The following MTMR7 variants were observed in gnomAD, a reference collection of about 807,000 sequenced individuals.
MTMR7 encodes myotubularin related protein 7, also known as phosphatidylinositol-3-phosphate phosphatase MTMR7.
Under a neutral mutation model 81.2 loss-of-function variants are expected in MTMR7, and 76 were observed. That is an observed-to-expected ratio of 0.94 (90% CI 0.78 to 1.13). The LOEUF (loss-of-function observed/expected upper bound fraction) is 1.13, where lower values mean the gene tolerates loss of function less well. Ranked by LOEUF, MTMR7 falls within the 50% of genes most tolerant of loss-of-function variation. The probability of loss-of-function intolerance (pLI) is 0.00; values close to 1 mark genes in which losing one functional copy is unlikely to be tolerated. For missense variants in MTMR7, 1,044 were observed against 820.0 expected, an observed-to-expected ratio of 1.27 and a Z score of -3.34; for synonymous variants, 372 against 289.8, an observed-to-expected ratio of 1.28 and a Z score of -2.88.
At chr8:17,320,069 A>G (rs1015383838) in intron 7 of MTMR7, among the ~76,000 whole-genome samples, 2 of 152,170 alleles carry the variant, frequency 1.3e-5, no homozygotes, top group Non-Finnish European at 2.9e-5. Context: ...TATACTGATA[A>G]TGTTGAAATA....
At chr8:17,323,327 A>G (rs900660918) in intron 7 of MTMR7, among the ~76,000 whole-genome samples, 2 of 152,096 alleles carry the variant, frequency 1.3e-5, no homozygotes, top group African/African-American at 4.8e-5. Context: ...CGAAATCTAC[A>G]TCCCTTGACT....
At chr8:17,364,627 G>C (rs1820168559) in intron 3 of MTMR7, among the ~76,000 whole-genome samples, 1 of 152,092 alleles carries the variant, frequency 6.6e-6, no homozygotes, top group East Asian at 1.9e-4. Flanking sequence ...CTGCTTCTAT[G>C]AGTTTAACTG....
At chr8:17,319,293 A>G (rs1299700363) in intron 7 of MTMR7, among the ~76,000 whole-genome samples, 1 of 152,194 alleles carries the variant, frequency 6.6e-6, no homozygotes, top group Non-Finnish European at 1.5e-5. Context: ...TGAAGATGAA[A>G]TAATACCAAT....
chr8:17,360,414 G>C (rs1195314381), intron 4 of MTMR7, among the ~76,000 whole-genome samples: 1 of 149,642 alleles, frequency 6.7e-6, no homozygotes, highest in African/African-American at 2.5e-5. Flanking sequence ...ATACAGATGA[G>C]AAAACAACTG....
chr8:17,302,181 T>C lies in MTMR7; in HGVS notation c.1593A>G (p.Leu531=). The change falls in exon 13 of 14, where the codon CTA becomes CTG. Residue 531 remains leucine, a synonymous_variant. Coordinates refer to ENST00000180173, the MANE Select transcript of MTMR7 (RefSeq NM_004686.5). ...LMAVKEETQQ[L]EEELEALEER... ...CTTCCAGGGCCTCTAGTTCTTCCTCTAGCTGCTGAGTTTCTTCCTTCACTG... is the reference window on the plus strand; with the variant it reads ...CTTCCAGGGCCTCTAGTTCTTCCTCCAGCTGCTGAGTTTCTTCCTTCACTG... The C allele has an allele frequency of 6.2e-7, 1 of 1,614,166 alleles. No individual in the cohort carries two copies. The highest frequency in any genetic ancestry group is 1.1e-5 in the South Asian group (1 of 91,082).
At chr8:17,310,220 C>T (rs1817705918) in intron 9 of MTMR7, among the ~76,000 whole-genome samples, 2 of 151,976 alleles carry the variant, frequency 1.3e-5, no homozygotes, top group African/African-American at 2.4e-5. Context: ...AGGCTGGTCT[C>T]AAACTCTGGG....
chr8:17,309,750 C>T (rs1817682639), intron 9 of MTMR7, among the ~76,000 whole-genome samples: 1 of 152,184 alleles, frequency 6.6e-6, no homozygotes, highest in South Asian at 2.1e-4. Context: ...ACTTCAAACC[C>T]TATCTCAACC....
chr8:17,333,716 T>G (rs1163368851), intron 6 of MTMR7, among the ~76,000 whole-genome samples: 2 of 152,056 alleles, frequency 1.3e-5, no homozygotes, highest in African/African-American at 4.8e-5. Context: ...CCAGACATGG[T>G]GGCATGTGAC....
intron 10 of MTMR7, 150 bp downstream of exon 10, chr8:17,309,127 A>G (rs1387990825): frequency 9.9e-6 from 6 of 605,226 alleles, no homozygotes; most frequent in South Asian, 4.1e-5. Context: ...TCATTTATCT[A>G]TGATATGACA....
chr8:17,409,440 G>A (rs1821682069), intron 1 of MTMR7, among the ~76,000 whole-genome samples: 1 of 152,016 alleles, frequency 6.6e-6, no homozygotes, highest in South Asian at 2.1e-4. Context: ...CTCCAGCCTG[G>A]GCCACAGAGC....
chr8:17,390,538 A>G (rs1350588995), intron 1 of MTMR7, among the ~76,000 whole-genome samples: 1 of 152,166 alleles, frequency 6.6e-6, no homozygotes, highest in Non-Finnish European at 1.5e-5. Flanking sequence ...TAGAGAGGAA[A>G]TTAAAGCAGG....
intron 7 of MTMR7, among the ~76,000 whole-genome samples, chr8:17,318,646 T>C (rs1345510479): frequency 6.6e-6 from 1 of 152,194 alleles, no homozygotes; most frequent in Non-Finnish European, 1.5e-5. Flanking sequence ...TTTCCTGAGA[T>C]TCTCTTGTCT....
chr8:17,308,410 G>GA (rs2150479069), intron 10 of MTMR7, among the ~76,000 whole-genome samples: 1 of 152,106 alleles, frequency 6.6e-6, no homozygotes, highest in South Asian at 2.1e-4. Context: ...TGCTTTCCTG[G>GA]AAAAAATTAG....
rs73666119 is a variant in MTMR7 at position 17,341,729 on chromosome 8, A to T, written c.598-232T>A. On this transcript the variant is annotated intron_variant, in intron 5 of 13. Coordinates refer to ENST00000180173, the MANE Select transcript of MTMR7 (RefSeq NM_004686.5). ...TCTGTGCAAAATATTAGGAATGTGT[A>T]GAGATGTTTAGATAGGGTCTAAGTT... is the stretch of plus-strand genomic sequence containing the variant. Among the ~76,000 whole-genome samples, 3,867 of 152,294 alleles carry T rather than the reference A, an allele frequency of 0.025. 408 individuals are homozygous for T. The East Asian group carries it at 0.31, about 12-fold the overall frequency.
chr8:17,320,916 A>C (rs949508800), intron 7 of MTMR7, among the ~76,000 whole-genome samples: 2 of 152,162 alleles, frequency 1.3e-5, no homozygotes, highest in African/African-American at 4.8e-5. Flanking sequence ...ACTTAATCCT[A>C]AAATACACAC....
At chr8:17,409,564 G>C (rs927963286) in intron 1 of MTMR7, among the ~76,000 whole-genome samples, 4 of 152,218 alleles carry the variant, frequency 2.6e-5, no homozygotes, top group Non-Finnish European at 5.9e-5. Context: ...CCCAAGCACT[G>C]TGTTAGGTGC....
At chr8:17,388,217 C>G (rs1821006590) in intron 1 of MTMR7, among the ~76,000 whole-genome samples, 1 of 152,168 alleles carries the variant, frequency 6.6e-6, no homozygotes, top group African/African-American at 2.4e-5. Flanking sequence ...AAAGAACATG[C>G]ACTGTTGAAC....
intron 7 of MTMR7, among the ~76,000 whole-genome samples, chr8:17,323,279 G>A (rs980582955): frequency 6.6e-6 from 1 of 151,950 alleles, no homozygotes; most frequent in African/African-American, 2.4e-5. Flanking sequence ...AAGGAGTAAT[G>A]GGCTCAGATG....
chr8:17,376,339 T>C (rs529190569), intron 1 of MTMR7, among the ~76,000 whole-genome samples: 9 of 152,226 alleles, frequency 5.9e-5, no homozygotes, highest in Non-Finnish European at 1.2e-4. Flanking sequence ...AATTCATCAG[T>C]TGATAGACAT....
Sources: gnomAD v4.1 joint callset for allele counts (sites outside exome capture counted in the v4.1 genomes callset) on GRCh38, gnomAD v4.1.1 for gene constraint, MANE v1.5 for transcripts, NCBI Gene and HGNC (gene_info 2026-07-23, HGNC 2026-07-21) for gene names.